The following STK3 variants were observed in gnomAD, a reference collection of about 807,000 sequenced individuals.
STK3 encodes serine/threonine-protein kinase 3.
In STK3, 41 loss-of-function variants were observed where a neutral mutation model predicts 58.0. The observed-to-expected ratio is 0.71, with a 90% CI of 0.55 to 0.92. The LOEUF is 0.92. STK3 is among the 40% of genes least tolerant of loss of function. The probability of loss-of-function intolerance (pLI) is 0.00; values close to 1 mark genes in which losing one functional copy is unlikely to be tolerated. For synonymous variants in STK3, 170 were observed against 191.0 expected (o/e 0.89, Z 0.91); for missense variants, 479 against 602.7 (o/e 0.79, Z 2.15).
At chr8:98,710,533 C>T (rs1472298940) in intron 4 of STK3, among the ~76,000 whole-genome samples, 1 of 152,236 alleles carries the variant, frequency 6.6e-6, no homozygotes, top group Non-Finnish European at 1.5e-5. Context: ...CCCATGGAGC[C>T]TCGCTCACTG....
At chr8:98,454,278 C>A (rs1406875785), downstream of STK3, among the ~76,000 whole-genome samples, 1 of 152,202 alleles carries the variant, frequency 6.6e-6, no homozygotes, top group Admixed American at 6.5e-5. Context: ...TTAGGAGTGT[C>A]CATGTGACTA....
chr8:98,794,723 C>T (rs978784214), intron 1 of STK3, among the ~76,000 whole-genome samples: 1 of 152,000 alleles, frequency 6.6e-6, no homozygotes. Flanking sequence ...AAGAAAACTA[C>T]AAACCAATAT....
rs570857177 is a variant in STK3, at chr8:98,744,851, C to A, written c.351+4425G>T. Among the ~76,000 whole-genome samples, 12 of 150,690 alleles carry A rather than the reference C, an allele frequency of 8.0e-5. No homozygotes were observed. The East Asian group carries it at 2.1e-3, about 27-fold the overall frequency. On this transcript the variant is annotated intron_variant, in intron 4 of 10. Transcript: ENST00000419617. ...ACTTTAGTAGGACAGGCTTATAAGC[C>A]AGTTAAAAAGGGATAGAAAATTGTG... is the stretch of plus-strand genomic sequence containing the variant.
intron 1 of STK3, among the ~76,000 whole-genome samples, chr8:98,382,480 GA>G (rs1380374876): frequency 6.6e-6 from 1 of 152,130 alleles, no homozygotes; most frequent in African/African-American, 2.4e-5. Context: ...GGTGGTGAGA[GA>G]AAAAGCCTTC....
intron 10 of STK3, among the ~76,000 whole-genome samples, chr8:98,507,106 A>G (rs187648323): frequency 6.6e-5 from 10 of 152,178 alleles, no homozygotes; most frequent in Admixed American, 6.5e-4. Context: ...TTTCTTCTCT[A>G]TATATACTCA....
rs541345898 is a variant in STK3 at position 98,731,862 on chromosome 8, G to A, written c.351+17414C>T. Among the ~76,000 whole-genome samples, 11 of 152,220 alleles carry A rather than the reference G, an allele frequency of 7.2e-5. No individual in the cohort carries two copies. The Middle Eastern group carries it at 0.01, about 141-fold the overall frequency. On this transcript the variant is annotated intron_variant, in intron 4 of 10. Transcript: ENST00000419617. ...CAGTGCTTACGGTGAGACCTGAGCA[G>A]CCTTCCAGTCCCAAGGGCAAGACCA...
chr8:98,356,874 CCAAA>C, the STK3 span, among the ~76,000 whole-genome samples: 1 of 152,166 alleles, frequency 6.6e-6, no homozygotes, highest in African/African-American at 2.4e-5. Flanking sequence ...TGTGCTTTTC[CCAAA>C]CAGTGATGTT....
At chr8:98,921,875 G>T (rs999590168) in intron 1 of STK3, among the ~76,000 whole-genome samples, 2 of 152,072 alleles carry the variant, frequency 1.3e-5, no homozygotes, top group Non-Finnish European at 2.9e-5. Context: ...GTATTTTTTA[G>T]TAAAGACAGG....
chr8:98,701,445 C>T (rs1202151054), intron 6 of STK3, among the ~76,000 whole-genome samples: 1 of 151,890 alleles, frequency 6.6e-6, no homozygotes, highest in African/African-American at 2.4e-5. Flanking sequence ...TGGTGAAACC[C>T]CGTCACTACT....
At chr8:98,364,472 G>A in the STK3 span, among the ~76,000 whole-genome samples, 2 of 152,186 alleles carry the variant, frequency 1.3e-5, no homozygotes, top group Non-Finnish European at 2.9e-5. Context: ...GGCTGAGTAA[G>A]AGCCCCAATT....
chr8:98,452,696 A>G (rs1037665460), downstream of STK3, among the ~76,000 whole-genome samples: 2 of 152,190 alleles, frequency 1.3e-5, no homozygotes, highest in African/African-American at 4.8e-5. Flanking sequence ...ACTCATTAAA[A>G]TAACTAGAAA....
downstream of STK3, chr8:98,454,603 G>A (rs144648175): frequency 2.6e-5 from 4 of 152,630 alleles, no homozygotes; most frequent in African/African-American, 9.6e-5. Flanking sequence ...TCCAGGTCAT[G>A]AGTTTTAACA....
intron 7 of STK3, among the ~76,000 whole-genome samples, chr8:98,582,411 C>A (rs1485464790): frequency 1.3e-5 from 2 of 151,846 alleles, no homozygotes; most frequent in East Asian, 3.8e-4. Context: ...ATCCATTTTT[C>A]TTTTGCTTTA....
At chr8:98,884,276 C>G (rs1187792122) in intron 1 of STK3, among the ~76,000 whole-genome samples, 1 of 152,172 alleles carries the variant, frequency 6.6e-6, no homozygotes, top group Non-Finnish European at 1.5e-5. Context: ...CGATGATATT[C>G]TAAGATGTGA....
At chr8:98,885,534 G>A (rs559703978) in intron 1 of STK3, among the ~76,000 whole-genome samples, 1 of 152,318 alleles carries the variant, frequency 6.6e-6, no homozygotes, top group South Asian at 2.1e-4. Flanking sequence ...CCGCCTCCCA[G>A]GTTCAAGCGA....
intron 1 of STK3, among the ~76,000 whole-genome samples, chr8:98,938,637 G>A (rs983960135): frequency 6.6e-6 from 1 of 152,138 alleles, no homozygotes; most frequent in Non-Finnish European, 1.5e-5. Flanking sequence ...AGACCCTCCT[G>A]CCCAGCCTCA....
At chr8:98,353,757 A>G in the STK3 span, among the ~76,000 whole-genome samples, 53 of 152,342 alleles carry the variant, frequency 3.5e-4, 1 homozygote, top group African/African-American at 1.3e-3. Context: ...TTTCTAATGA[A>G]TGAACAAATA....
intron 8 of STK3, among the ~76,000 whole-genome samples, chr8:98,548,819 C>A (rs1191026493): frequency 6.6e-6 from 1 of 151,986 alleles, no homozygotes; most frequent in Non-Finnish European, 1.5e-5. Flanking sequence ...AGTACTAATT[C>A]ATAATTACTA....
intron 1 of STK3, among the ~76,000 whole-genome samples, chr8:98,811,743 T>C (rs2131679837): frequency 6.6e-6 from 1 of 152,338 alleles, no homozygotes; most frequent in African/African-American, 2.4e-5. Context: ...AGGAGTCTGA[T>C]CTTGAATCCA....
Sources: allele counts gnomAD v4.1 joint callset (sites outside exome capture counted in the v4.1 genomes callset), GRCh38; gene constraint gnomAD v4.1.1; transcripts MANE v1.5; gene names NCBI Gene and HGNC (gene_info 2026-07-23, HGNC 2026-07-21).